Variants in NLGN1 observed in about 807,000 individuals in gnomAD.
The protein encoded by NLGN1 is neuroligin 1, also known as neuroligin-1.
In NLGN1, 12 loss-of-function variants were observed where a neutral mutation model predicts 65.5. The observed-to-expected ratio is 0.18, with a 90% CI of 0.12 to 0.30. The LOEUF (loss-of-function observed/expected upper bound fraction) is 0.30. NLGN1 is among the 10% of genes least tolerant of loss of function. NLGN1 has a pLI of 1.00. For missense variants in NLGN1, 750 were observed against 1,007.1 expected, an observed-to-expected ratio of 0.74 and a Z score of 3.46; for synonymous variants, 350 against 359.5, an observed-to-expected ratio of 0.97 and a Z score of 0.30.
chr3:174,074,053 A>C (rs1455751128), intron 4 of NLGN1, among the ~76,000 whole-genome samples: 3 of 152,182 alleles, frequency 2.0e-5, no homozygotes, highest in Non-Finnish European at 4.4e-5. Context: ...GTATGCAGGA[A>C]GGGTGTCAGT....
intron 2 of NLGN1, among the ~76,000 whole-genome samples, chr3:173,462,109 T>C (rs1291965915): frequency 1.3e-5 from 2 of 152,190 alleles, no homozygotes; most frequent in African/African-American, 4.8e-5. Context: ...TCAGTGCTGT[T>C]ACTGTTTTGA....
chr3:173,526,180 G>C (rs1735608621), intron 2 of NLGN1, among the ~76,000 whole-genome samples: 1 of 152,034 alleles, frequency 6.6e-6, no homozygotes, highest in Non-Finnish European at 1.5e-5. Flanking sequence ...CCCTACTTCT[G>C]TATTATTGAA....
At chr3:173,957,575 T>C (rs1304707360) in intron 4 of NLGN1, among the ~76,000 whole-genome samples, 1 of 152,218 alleles carries the variant, frequency 6.6e-6, no homozygotes, top group Non-Finnish European at 1.5e-5. Flanking sequence ...CAATAATTTT[T>C]AGGCAGCTAA....
chr3:173,557,330 C>T (rs1255079752), intron 2 of NLGN1, among the ~76,000 whole-genome samples: 4 of 151,894 alleles, frequency 2.6e-5, no homozygotes, highest in East Asian at 1.9e-4. Flanking sequence ...TATTTTTAAC[C>T]CATTTCTGTC....
At chr3:173,544,797 G>T (rs1156963634) in intron 2 of NLGN1, among the ~76,000 whole-genome samples, 2 of 152,022 alleles carry the variant, frequency 1.3e-5, no homozygotes, top group African/African-American at 4.8e-5. Flanking sequence ...AAAAGGAAAA[G>T]GGCGCAGAAG....
At chr3:173,969,061 AT>A (rs1313114839) in intron 4 of NLGN1, among the ~76,000 whole-genome samples, 1 of 125,794 alleles carries the variant, frequency 7.9e-6, no homozygotes, top group Non-Finnish European at 1.7e-5. Context: ...ATGCAAGAAG[AT>A]TTAAAAAAAA....
chr3:174,258,753 A>C (rs1053183072), intron 4 of NLGN1, among the ~76,000 whole-genome samples: 1 of 152,206 alleles, frequency 6.6e-6, no homozygotes, highest in Non-Finnish European at 1.5e-5. Context: ...AAAGTCAAGA[A>C]AAATAAAGAC....
At chr3:174,165,026 T>C (rs1251788439) in intron 4 of NLGN1, among the ~76,000 whole-genome samples, 1 of 152,100 alleles carries the variant, frequency 6.6e-6, no homozygotes, top group African/African-American at 2.4e-5. Context: ...AAATTCTCAT[T>C]GTAGAGATCT....
intron 3 of NLGN1, among the ~76,000 whole-genome samples, chr3:173,806,366 CTG>C (rs1716646541): frequency 6.6e-6 from 1 of 152,144 alleles, no homozygotes; most frequent in Admixed American, 6.5e-5. Flanking sequence ...AATTTGTATT[CTG>C]TTAGTCCATT....
chr3:173,483,692 A>G (rs1381669958), intron 2 of NLGN1, among the ~76,000 whole-genome samples: 1 of 151,968 alleles, frequency 6.6e-6, no homozygotes, highest in African/African-American at 2.4e-5. Flanking sequence ...ATTTGCTGAT[A>G]CATGTATGGC....
intron 4 of NLGN1, among the ~76,000 whole-genome samples, chr3:173,902,655 T>G (rs1737587884): frequency 6.6e-6 from 1 of 152,130 alleles, no homozygotes; most frequent in African/African-American, 2.4e-5. Context: ...CAACAGACTT[T>G]ATAGCCTTAT....
intron 4 of NLGN1, among the ~76,000 whole-genome samples, chr3:174,023,418 A>G (rs1344497485): frequency 6.6e-6 from 1 of 152,010 alleles, no homozygotes; most frequent in Non-Finnish European, 1.5e-5. Flanking sequence ...CCCTTTTTTC[A>G]GGCCTCCAAA....
chr3:173,931,316 G>A (rs1206108529), intron 4 of NLGN1, among the ~76,000 whole-genome samples: 5 of 152,098 alleles, frequency 3.3e-5, no homozygotes, highest in Admixed American at 2.0e-4. Flanking sequence ...ATGTTAGTGG[G>A]TGAGAAGTGC....
intron 2 of NLGN1, among the ~76,000 whole-genome samples, chr3:173,450,574 C>A (rs912712577): frequency 3.9e-5 from 6 of 152,068 alleles, no homozygotes; most frequent in Admixed American, 3.3e-4. Flanking sequence ...ATCTTTGTGG[C>A]ATTCTCTGTA....
rs560062829 is a variant in NLGN1, at chr3:174,012,966, G to A, written c.646+205134G>A. Among the ~76,000 whole-genome samples, 9 of 152,306 alleles carry A rather than the reference G, an allele frequency of 5.9e-5. No homozygotes were observed. The Middle Eastern group carries it at 0.01, about 173-fold the overall frequency. ...GCAATAAAAGTGAATCAGACAGTGA[G>A]GAGGGAAAGCAGGTGCTGTATTGAT... On this transcript the variant is annotated intron_variant, in intron 4 of 6. Transcript: ENST00000457714.
At chr3:173,929,473 G>C (rs907109850) in intron 4 of NLGN1, among the ~76,000 whole-genome samples, 8 of 151,800 alleles carry the variant, frequency 5.3e-5, no homozygotes, top group African/African-American at 1.9e-4. Flanking sequence ...ACCACACACA[G>C]AGAGTTTTAA....
intron 2 of NLGN1, among the ~76,000 whole-genome samples, chr3:173,599,140 G>A (rs1750018080): frequency 6.6e-6 from 1 of 152,012 alleles, no homozygotes; most frequent in Non-Finnish European, 1.5e-5. Context: ...CTCTTCTTTT[G>A]AAGCCTAATA....
intron 2 of NLGN1, among the ~76,000 whole-genome samples, chr3:173,460,355 T>A (rs1723170445): frequency 6.6e-6 from 1 of 152,126 alleles, no homozygotes; most frequent in East Asian, 1.9e-4. Context: ...GACTTACGGC[T>A]TAGTTGAGGA....
intron 2 of NLGN1, among the ~76,000 whole-genome samples, chr3:173,574,739 A>G (rs566626204): frequency 5.8e-4 from 89 of 152,370 alleles, no homozygotes; most frequent in African/African-American, 2.1e-3. Context: ...TGATTGTTCA[A>G]CTTTTAAGGG....
Sources: allele counts gnomAD v4.1 joint callset (sites outside exome capture counted in the v4.1 genomes callset), GRCh38; gene constraint gnomAD v4.1.1; transcripts MANE v1.5; gene names NCBI Gene and HGNC (gene_info 2026-07-23, HGNC 2026-07-21).